Variants in ATG5 observed in about 807,000 individuals in gnomAD.
The protein encoded by ATG5 is autophagy protein 5.
In ATG5, 14 loss-of-function variants were observed where a neutral mutation model predicts 36.5. The observed-to-expected ratio is 0.38, with a 90% CI of 0.25 to 0.60. The LOEUF is 0.60. Among genes scored for constraint, ATG5 ranks in the 20% least tolerant of loss-of-function variants. The pLI is 0.60. For missense variants in ATG5, 195 were observed against 326.7 expected, an observed-to-expected ratio of 0.60 and a Z score of 3.11; for synonymous variants, 95 against 101.5, an observed-to-expected ratio of 0.94 and a Z score of 0.38.
chr6:106,307,699 A>C (rs1448362183), intron 3 of ATG5, among the ~76,000 whole-genome samples: 1 of 151,922 alleles, frequency 6.6e-6, no homozygotes, highest in Non-Finnish European at 1.5e-5. Context: ...ACCACGCCCA[A>C]CTAATTTTGT....
At chr6:106,232,749 A>G (rs573766786) in intron 6 of ATG5, among the ~76,000 whole-genome samples, 41 of 152,266 alleles carry the variant, frequency 2.7e-4, no homozygotes, top group Middle Eastern at 6.8e-3. Flanking sequence ...AGGATTATCA[A>G]TGAGGTCACT....
intron 6 of ATG5, among the ~76,000 whole-genome samples, chr6:106,210,941 T>C (rs1776828517): frequency 6.6e-6 from 1 of 152,222 alleles, no homozygotes. Flanking sequence ...GTATTCTGTA[T>C]TGAGCTGTCA....
chr6:106,314,290 C>T (rs1396627451), intron 2 of ATG5, among the ~76,000 whole-genome samples: 2 of 152,200 alleles, frequency 1.3e-5, no homozygotes, highest in Non-Finnish European at 2.9e-5. Flanking sequence ...GGTGGAGTAG[C>T]TCATGCCTGT....
chr6:106,295,934 T>G (rs900188665), intron 3 of ATG5, among the ~76,000 whole-genome samples: 3 of 152,192 alleles, frequency 2.0e-5, no homozygotes, highest in Non-Finnish European at 4.4e-5. Context: ...TAAATTATTT[T>G]TTTAACCCTC....
chr6:106,247,473 T>A (rs940468713), intron 6 of ATG5, among the ~76,000 whole-genome samples: 6 of 152,200 alleles, frequency 3.9e-5, no homozygotes, highest in Admixed American at 3.3e-4. Flanking sequence ...AGACTCACCA[T>A]CCAAAACAAA....
At chr6:106,209,897 A>C (rs570773931) in intron 6 of ATG5, among the ~76,000 whole-genome samples, 6 of 152,336 alleles carry the variant, frequency 3.9e-5, no homozygotes, top group African/African-American at 1.2e-4. Flanking sequence ...TTTGTTAATC[A>C]AAGTTTTCTC....
chr6:106,323,070 C>T (rs527495896), intron 1 of ATG5, among the ~76,000 whole-genome samples: 1 of 152,074 alleles, frequency 6.6e-6, no homozygotes, highest in Non-Finnish European at 1.5e-5. Context: ...AAGCGCTTGC[C>T]ACCAGGCTCG....
At chr6:106,207,492 T>C (rs1776677560) in intron 6 of ATG5, among the ~76,000 whole-genome samples, 1 of 150,248 alleles carries the variant, frequency 6.7e-6, no homozygotes, top group African/African-American at 2.5e-5. Context: ...CTTGAGCCCA[T>C]GAGTTTGAGA....
At chr6:106,211,541 T>G (rs1021962094) in intron 6 of ATG5, among the ~76,000 whole-genome samples, 3 of 152,138 alleles carry the variant, frequency 2.0e-5, no homozygotes, top group African/African-American at 7.2e-5. Context: ...AAACCTCATC[T>G]CTACTAAAAA....
At chr6:106,219,997 T>A (rs1777179256) in intron 6 of ATG5, among the ~76,000 whole-genome samples, 1 of 152,148 alleles carries the variant, frequency 6.6e-6, no homozygotes, top group Non-Finnish European at 1.5e-5. Context: ...TCTGAACCAA[T>A]ATTGACCCTC....
At chr6:106,259,916 A>C (rs979800943) in intron 5 of ATG5, among the ~76,000 whole-genome samples, 1 of 152,210 alleles carries the variant, frequency 6.6e-6, no homozygotes, top group African/African-American at 2.4e-5. Context: ...AAACCATGGA[A>C]TACTATGCAG....
chr6:106,298,211 G>A (rs574690793), intron 3 of ATG5, among the ~76,000 whole-genome samples: 29 of 151,916 alleles, frequency 1.9e-4, no homozygotes, highest in African/African-American at 5.8e-4. Context: ...TGTCCGCCTC[G>A]GCCTCCCAAA....
intron 6 of ATG5, among the ~76,000 whole-genome samples, chr6:106,217,168 A>G (rs1777072919): frequency 6.6e-6 from 1 of 152,182 alleles, no homozygotes; most frequent in Non-Finnish European, 1.5e-5. Context: ...TCAGAGATAC[A>G]TTTCTACCTT....
At chr6:106,264,118 A>G (rs893490031) in intron 5 of ATG5, among the ~76,000 whole-genome samples, 5 of 152,200 alleles carry the variant, frequency 3.3e-5, no homozygotes, top group African/African-American at 1.2e-4. Flanking sequence ...AGGAAATGCT[A>G]ACTAGAATAA....
chr6:106,239,996 CCTT>C (rs1251649601), intron 6 of ATG5, among the ~76,000 whole-genome samples: 2 of 151,786 alleles, frequency 1.3e-5, no homozygotes, highest in South Asian at 2.1e-4. Context: ...TGGGAAAGGA[CCTT>C]CTTTTTTTTT....
At position 106,251,842 on chromosome 6, in the gene ATG5, T is replaced by C. The variant is rs138518781; in HGVS notation, c.479-3598A>G. 4.0e-5 allele frequency among the ~76,000 whole-genome samples: 6 copies of C among 151,644 alleles called. No homozygotes were observed. In the East Asian group the frequency reaches 1.2e-3, roughly 30 times the overall value. On this transcript the variant is annotated intron_variant, in intron 5 of 7. Coordinates refer to ENST00000369076, the MANE Select transcript of ATG5 (RefSeq NM_004849.4). Reference sequence around the variant, plus strand: ...CCAAGTGTCTTTCACAATGGATTTTTTTGTTCCTTTTAAAAAGAGACAGAG... The same window carrying C: ...CCAAGTGTCTTTCACAATGGATTTTCTTGTTCCTTTTAAAAAGAGACAGAG...
intron 7 of ATG5, among the ~76,000 whole-genome samples, chr6:106,201,174 A>G (rs927921013): frequency 1.3e-5 from 2 of 152,178 alleles, no homozygotes; most frequent in Admixed American, 6.5e-5. Flanking sequence ...TCTTTCCCAA[A>G]TGTTTTTTAT....
intron 7 of ATG5, among the ~76,000 whole-genome samples, chr6:106,198,702 G>A (rs767213817): frequency 5.3e-5 from 8 of 152,018 alleles, no homozygotes; most frequent in East Asian, 1.9e-4. Context: ...ACTTGAACCC[G>A]GAGGTGGAGG....
At chr6:106,257,663 C>T (rs1778851883) in intron 5 of ATG5, among the ~76,000 whole-genome samples, 1 of 152,198 alleles carries the variant, frequency 6.6e-6, no homozygotes, top group Admixed American at 6.5e-5. Context: ...TAATATTTAT[C>T]TAATTCTTGT....
Sources: allele counts gnomAD v4.1 joint callset (sites outside exome capture counted in the v4.1 genomes callset), GRCh38; gene constraint gnomAD v4.1.1; transcripts MANE v1.5; gene names NCBI Gene and HGNC (gene_info 2026-07-23, HGNC 2026-07-21).